The following CFAP44 variants were observed in gnomAD, a reference collection of about 807,000 sequenced individuals.
CFAP44 encodes the protein cilia- and flagella-associated protein 44.
CFAP44 carries 134 observed loss-of-function variants against 216.2 expected under a neutral mutation model. The ratio of observed to expected loss-of-function variants is 0.62; its 90% confidence interval spans 0.54 to 0.72. CFAP44 has a LOEUF of 0.72. CFAP44 is among the 30% of genes least tolerant of loss of function. CFAP44 has a pLI of 0.00. For synonymous variants in CFAP44, 700 were observed against 727.6 expected (o/e 0.96, Z 0.61); for missense variants, 2,035 against 2,182.1 (o/e 0.93, Z 1.34).
intron 22 of CFAP44, among the ~76,000 whole-genome samples, chr3:113,348,876 G>A (rs969758255): frequency 5.9e-5 from 9 of 152,230 alleles, no homozygotes; most frequent in Admixed American, 5.2e-4. Flanking sequence ...TTGGAGAGAT[G>A]TCATGCTATT....
chr3:113,365,745 A>G (rs1052926510), intron 19 of CFAP44, among the ~76,000 whole-genome samples: 1 of 152,202 alleles, frequency 6.6e-6, no homozygotes, highest in Non-Finnish European at 1.5e-5. Flanking sequence ...AACTTTGAAA[A>G]AAAACCTTTG....
At chr3:113,342,588 AG>A (rs1194794260) in intron 23 of CFAP44, among the ~76,000 whole-genome samples, 2 of 151,454 alleles carry the variant, frequency 1.3e-5, no homozygotes, top group Non-Finnish European at 3.0e-5. Flanking sequence ...AGAAAAATCG[AG>A]TAAGTCCAAT....
At chr3:113,339,016 C>A (rs1278265157) in intron 24 of CFAP44, among the ~76,000 whole-genome samples, 1 of 152,140 alleles carries the variant, frequency 6.6e-6, no homozygotes, top group Non-Finnish European at 1.5e-5. Context: ...TCAATCAATC[C>A]TACACTGTTG....
At chr3:113,415,041 CA>C (rs1314656722) in intron 6 of CFAP44, among the ~76,000 whole-genome samples, 1 of 152,000 alleles carries the variant, frequency 6.6e-6, no homozygotes, top group African/African-American at 2.4e-5. Context: ...AATTTCAGAG[CA>C]TGTTATTGGT....
At chr3:113,435,775 G>A (rs183695260) in intron 1 of CFAP44, among the ~76,000 whole-genome samples, 9 of 151,052 alleles carry the variant, frequency 6.0e-5, no homozygotes, top group Admixed American at 2.6e-4. Flanking sequence ...TGATACTCAT[G>A]TTATTAAATT....
chr3:113,400,100 T>G, intron 12 of CFAP44, 100 bp from the exon 13 acceptor site: 5 of 715,004 alleles, frequency 7.0e-6, no homozygotes, highest in Non-Finnish European at 8.5e-6. Context: ...AGAAATTTCT[T>G]AACTAAATCA....
chr3:113,433,429 CAAAAAAAAAA>C lies in CFAP44; in HGVS notation c.100+126_100+135del, dbSNP rs58221881. On this transcript the variant is annotated intron_variant, in intron 2 of 34. Coordinates refer to ENST00000393845, the MANE Select transcript of CFAP44 (RefSeq NM_001164496.2). ...GGGCAACAAGAGCAAAACTCCATCT[CAAAAAAAAAA>C]AAAAAAAAAAAAAAAAAGATCTATT... The C allele has an allele frequency of 4.3e-4, 55 of 127,778 alleles. 2 individuals are homozygous for C. The highest frequency in any genetic ancestry group is 2.6e-3 in the Middle Eastern group (1 of 386). The allele number at this position is 127,778 out of a possible 1,614,324, so 7.9% of individuals were successfully genotyped here. A position where few individuals can be genotyped will look rare whatever the true frequency, so the allele number is the denominator to read the frequency against.
rs570416702 is a variant in CFAP44, at chr3:113,368,424, T to G, written c.2445-2115A>C. On this transcript the variant is annotated intron_variant, in intron 18 of 34. Coordinates refer to ENST00000393845, the MANE Select transcript of CFAP44 (RefSeq NM_001164496.2). ...AAACCCTACAAGCCAGAAGAGAGTGTGGGCCAATATTCAATATTCTTAAAG... is the reference window on the plus strand; with the variant it reads ...AAACCCTACAAGCCAGAAGAGAGTGGGGGCCAATATTCAATATTCTTAAAG... Among the ~76,000 whole-genome samples the G allele has an allele frequency of 2.0e-4, 31 of 152,266 alleles. No individual in the cohort carries two copies. In the South Asian group the frequency reaches 4.6e-3, roughly 22 times the overall value.
chr3:113,386,068 A>G (rs1933642606), intron 15 of CFAP44, among the ~76,000 whole-genome samples: 1 of 152,012 alleles, frequency 6.6e-6, no homozygotes, highest in African/African-American at 2.4e-5. Flanking sequence ...TGCTTTATAT[A>G]TTTAGGTGCT....
chr3:113,424,219 C>A (rs184204578), intron 4 of CFAP44, among the ~76,000 whole-genome samples: 1 of 151,952 alleles, frequency 6.6e-6, no homozygotes, highest in Non-Finnish European at 1.5e-5. Context: ...GGGCAGATCA[C>A]GAGGTCAGGA....
At chr3:113,319,457 A>G (rs532752331) in intron 28 of CFAP44, among the ~76,000 whole-genome samples, 48 of 152,218 alleles carry the variant, frequency 3.2e-4, no homozygotes, top group Non-Finnish European at 6.0e-4. Context: ...CTGGCCTACA[A>G]AAAGACTTAG....
chr3:113,338,242 C>A (rs906139418), intron 24 of CFAP44, among the ~76,000 whole-genome samples: 1 of 99,274 alleles, frequency 1.0e-5, no homozygotes, highest in Non-Finnish European at 1.8e-5. Flanking sequence ...GGACAACACA[C>A]GAGACAATGT....
At chr3:113,353,526 T>G (rs1266343107) in intron 22 of CFAP44, among the ~76,000 whole-genome samples, 1 of 151,084 alleles carries the variant, frequency 6.6e-6, no homozygotes, top group East Asian at 1.9e-4. Flanking sequence ...GAATACTTAT[T>G]AAAGCCAAAC....
At chr3:113,343,197 G>A (rs1950351080) in intron 23 of CFAP44, among the ~76,000 whole-genome samples, 1 of 151,712 alleles carries the variant, frequency 6.6e-6, no homozygotes. Context: ...GGGTAGCTGG[G>A]ACTACAGGAA....
In CFAP44 at chr3:113,289,633, C is replaced by A. The variant is rs1277203061; in HGVS notation, c.*1924G>T. ...CAGCTCCCACGAAGGCCCCGGTGAC[C>A]CCCACCTGGCATTCACACCCTGTTC... On this transcript the variant is annotated 3_prime_UTR_variant, in exon 35 of 35. Transcript: ENST00000393845. 3 of 152,192 alleles carry A rather than the reference C, an allele frequency of 2.0e-5. No individual in the cohort carries two copies. The highest frequency in any genetic ancestry group is 7.2e-5 in the African/African-American group (3 of 41,450). The allele number at this position is 152,192 out of a possible 1,614,324, so 9.4% of individuals were successfully genotyped here. A position where few individuals can be genotyped will look rare whatever the true frequency, so the allele number is the denominator to read the frequency against.
intron 22 of CFAP44, among the ~76,000 whole-genome samples, chr3:113,351,550 G>A (rs534190915): frequency 2.6e-5 from 4 of 152,236 alleles, no homozygotes; most frequent in East Asian, 3.9e-4. Context: ...CTCCAAAACC[G>A]CCAAGACCTA....
intron 4 of CFAP44, among the ~76,000 whole-genome samples, chr3:113,425,473 C>T (rs1934935272): frequency 6.6e-6 from 1 of 152,216 alleles, no homozygotes; most frequent in African/African-American, 2.4e-5. Context: ...TCTTAAAAGA[C>T]TCTTATTCTC....
chr3:113,401,735 C>T lies in CFAP44; in HGVS notation c.1175G>A (p.Trp392Ter). 6.3e-7 allele frequency: 1 copy of T among 1,597,482 alleles called. No homozygotes were observed. The highest frequency in any genetic ancestry group is 8.5e-7 in the Non-Finnish European group (1 of 1,173,438). The change falls in exon 10 of 35, where the codon TGG becomes TAG. Residue 392 changes from tryptophan (W) to a stop codon, truncating the protein, a stop_gained. Coordinates refer to ENST00000393845, the MANE Select transcript of CFAP44 (RefSeq NM_001164496.2). LOFTEE classifies it high-confidence loss of function. ...TVGSDGYVRIWDFETIDTADV... is the reference protein window; with the variant it reads ...TVGSDGYVRI ...AGCAGTGTCTATTGTCTCAAAATCCCATATCTTGTAAAATGAAAAGAAAAT... is the reference window on the plus strand; with the variant it reads ...AGCAGTGTCTATTGTCTCAAAATCCTATATCTTGTAAAATGAAAAGAAAAT...
At chr3:113,435,887 TTTC>T (rs945052632) in intron 1 of CFAP44, among the ~76,000 whole-genome samples, 5 of 148,318 alleles carry the variant, frequency 3.4e-5, no homozygotes, top group Non-Finnish European at 7.4e-5. Flanking sequence ...GTGTGTGTGT[TTTC>T]CTTTCCTTTC....
Sources: gnomAD v4.1 joint callset for allele counts (sites outside exome capture counted in the v4.1 genomes callset) on GRCh38, gnomAD v4.1.1 for gene constraint, MANE v1.5 for transcripts, NCBI Gene and HGNC (gene_info 2026-07-23, HGNC 2026-07-21) for gene names.